Variants in THBS1 observed in about 807,000 individuals in gnomAD.
The protein encoded by THBS1 is thrombospondin-1.
THBS1 carries 29 observed loss-of-function variants against 126.1 expected under a neutral mutation model. The observed-to-expected ratio is 0.23, with a 90% CI of 0.17 to 0.31. THBS1 has a LOEUF of 0.31. Ranked by LOEUF, THBS1 falls within the 10% of genes least tolerant of loss-of-function variation. The pLI is 1.00. For missense variants in THBS1, 1,198 were observed against 1,545.2 expected, an observed-to-expected ratio of 0.78 and a Z score of 3.77; for synonymous variants, 496 against 577.8, an observed-to-expected ratio of 0.86 and a Z score of 2.03.
chr15:39,585,447 C>G, intron 6 of THBS1, 23 bp from the exon 7 acceptor site: 1 of 1,608,356 alleles, frequency 6.2e-7, no homozygotes. Flanking sequence ...AGCCTGTTCC[C>G]CTCTCACTCT....
chr15:39,581,537 C>T (rs1890102946), intron 1 of THBS1, among the ~76,000 whole-genome samples: 1 of 152,084 alleles, frequency 6.6e-6, no homozygotes, highest in Admixed American at 6.5e-5. Context: ...CCTGCAACCC[C>T]AAACTACAGT....
chr15:39,585,795 T>C (rs1273169077), intron 7 of THBS1, among the ~76,000 whole-genome samples: 2 of 151,588 alleles, frequency 1.3e-5, no homozygotes, highest in Admixed American at 6.6e-5. Context: ...GTGAAGATCT[T>C]GGTATAGCTC....
In THBS1 at chr15:39,589,176, G is replaced by A. The variant is rs760270549; in HGVS notation, c.1774-26G>A. Reference sequence around the variant, plus strand: ...CCTTATGGCAGTGACTTCTAAACATGATGCACGCTCTTATTTCCTCCATAG... The same window carrying A: ...CCTTATGGCAGTGACTTCTAAACATAATGCACGCTCTTATTTCCTCCATAG... On this transcript the variant is annotated intron_variant, in intron 11 of 21. Coordinates refer to ENST00000260356, the MANE Select transcript of THBS1 (RefSeq NM_003246.4). The surrounding 1 kb of genome is among the most constrained non-coding windows in gnomAD (Gnocchi z 4.7). 19 of 1,613,700 alleles carry A rather than the reference G, an allele frequency of 1.2e-5. No homozygotes were observed. Among genetic ancestry groups the A allele is most frequent in the Non-Finnish European group, 1.6e-5 (19 of 1,179,806 alleles).
In THBS1 at chr15:39,595,702, C is replaced by A. The variant is rs190657618; in HGVS notation, c.*333C>A. On this transcript the variant is annotated 3_prime_UTR_variant, in exon 22 of 22. Coordinates refer to ENST00000260356, the MANE Select transcript of THBS1 (RefSeq NM_003246.4). ...CACAGAGCAGGGTGCTATTGTGAGG[C>A]CATCTCTGAGCAGTGGACTCAAAAG... The A allele has an allele frequency of 3.8e-6, 2 of 528,074 alleles. No homozygotes were observed. The highest frequency in any genetic ancestry group is 3.1e-5 in the South Asian group (2 of 65,250). 32.7% of individuals were successfully genotyped at this position (528,074 alleles called of 1,614,324 possible).
intron 1 of THBS1, 29 bp from the exon 2 acceptor site, chr15:39,581,800 A>G: frequency 6.7e-7 from 1 of 1,492,240 alleles, no homozygotes; most frequent in Non-Finnish European, 9.3e-7. Context: ...CTGATCTCTG[A>G]CCCTCGGCTC....
At chr15:39,591,157 A>C (rs749832864) in intron 14 of THBS1, 34 bp from the exon 15 acceptor site, 22 of 1,605,118 alleles carry the variant, frequency 1.4e-5, no homozygotes, top group Middle Eastern at 1.7e-4. Flanking sequence ...TTCAAGGACA[A>C]CATTGTTAAG....
chr15:39,581,665 TC>T (rs1881118567), intron 1 of THBS1, 163 bp from the exon 2 acceptor site: 3 of 507,274 alleles, frequency 5.9e-6, no homozygotes, highest in African/African-American at 5.8e-5. Context: ...TCTCTCTCTC[TC>T]TCATGCTCTC....
Position 39,589,039 on chromosome 15 carries a change from C to A in THBS1, c.1726C>A (p.Pro576Thr), listed in dbSNP as rs764196834. Residue 576 changes from proline to threonine, a missense_variant, in exon 11 of 22, where the codon CCC becomes ACC. Physicochemically the swap from Pro to Thr is conservative, Grantham distance 38. Around this residue, in one of 4 missense-constraint regions of THBS1, gnomAD observed 663 missense variants for 860.1 expected, o/e 0.77. Coordinates refer to ENST00000260356, the MANE Select transcript of THBS1 (RefSeq NM_003246.4). The surrounding 1 kb of genome is among the most constrained non-coding windows in gnomAD (Gnocchi z 4.7). ...PDGSWKCGAC[P>T]PGYSGNGIQC... ...TGGCAGCTGGAAATGTGGTGCTTGT[C>A]CCCCTGGTTACAGTGGAAATGGCAT... is the stretch of plus-strand genomic sequence containing the variant. 1.9e-6 allele frequency: 3 copies of A among 1,614,106 alleles called. No homozygotes were observed. The highest frequency in any genetic ancestry group is 2.2e-5 in the South Asian group (2 of 91,074).
At chr15:39,590,782 G>A (rs140363988) in intron 14 of THBS1, 159 bp downstream of exon 14, 1,032 of 632,910 alleles carry the variant, frequency 1.6e-3, no homozygotes, top group Non-Finnish European at 2.4e-3. Flanking sequence ...GTTTAAGGAT[G>A]TAGATGTTGC....
intron 3 of THBS1, among the ~76,000 whole-genome samples, chr15:39,583,359 C>T (rs1458720208): frequency 6.6e-6 from 1 of 152,190 alleles, no homozygotes; most frequent in Non-Finnish European, 1.5e-5. Context: ...GATCAGATTC[C>T]ATTTCCTGTG....
rs1398191964 is a variant in THBS1, at chr15:39,589,501, T to C, written c.1926+147T>C. ...GTACGGTCTAGTTTTAGAAACGTGA[T>C]TAGAAAATCCATGGTAAATCCTGCA... is the stretch of plus-strand genomic sequence containing the variant. On this transcript the variant is annotated intron_variant, in intron 12 of 21. Transcript: ENST00000260356. The surrounding 1 kb of genome is among the most constrained non-coding windows in gnomAD (Gnocchi z 4.7). 8.8e-6 allele frequency: 10 copies of C among 1,141,654 alleles called. 1 individual carries two copies. In the East Asian group the frequency reaches 2.6e-4, roughly 29 times the overall value. The allele number at this position is 1,141,654 out of a possible 1,614,324, so 70.7% of individuals were successfully genotyped here. A position where few individuals can be genotyped will look rare whatever the true frequency, so the allele number is the denominator to read the frequency against.
chr15:39,593,556 C>A lies in THBS1; in HGVS notation c.3155C>A (p.Pro1052His), dbSNP rs1293323402. The A allele has an allele frequency of 6.2e-7, 1 of 1,614,186 alleles. No homozygotes were observed. Among genetic ancestry groups the A allele is most frequent in the Non-Finnish European group, 8.5e-7 (1 of 1,180,032 alleles). ...ACCCAGTCCTACTGGGACACCAACC[C>A]CACGAGGGCTCAGGGATACTCGGGC... The part of the protein sequence containing the change: ...QVTQSYWDTN[P>H]TRAQGYSGLS... The change falls in exon 19 of 22, where the codon CCC becomes CAC. Residue 1052 changes from proline to histidine, a missense_variant. Pro to His is a moderately conservative substitution (Grantham distance 77, BLOSUM62 -2). Coordinates refer to ENST00000260356, the MANE Select transcript of THBS1 (RefSeq NM_003246.4). This position sits in a 1 kb window ranked among gnomAD's most constrained non-coding sequence, Gnocchi z 5.9.
rs1212555615 is a variant in THBS1 at position 39,591,232 on chromosome 15, T to C, written c.2295T>C (p.Tyr765=). 1 of 1,614,212 alleles carries C rather than the reference T, an allele frequency of 6.2e-7. No homozygotes were observed. ...PFHYNPAQYD[Y]DRDDVGDRCD... The stretch of plus-strand genomic sequence containing the variant: ...ATTACAACCCAGCTCAGTATGACTA[T>C]GACAGAGATGATGTGGGAGACCGCT... Residue 765 remains tyrosine (Y), a synonymous_variant, in exon 15 of 22, where the codon TAT becomes TAC. Coordinates refer to ENST00000260356, the MANE Select transcript of THBS1 (RefSeq NM_003246.4).
intron 1 of THBS1, 69 bp from the exon 2 acceptor site, chr15:39,581,760 C>G (rs1595505586): frequency 1.0e-6 from 1 of 997,716 alleles, no homozygotes; most frequent in Non-Finnish European, 1.5e-6. Context: ...TGCCCAGCCC[C>G]GTTTCTGCGC....
In THBS1 at chr15:39,597,952, T is replaced by C. The variant is rs574937582; in HGVS notation, c.*2583T>C. The C allele has an allele frequency of 6.6e-6, 1 of 152,204 alleles. No homozygotes were observed. 9.4% of individuals were successfully genotyped at this position (152,204 alleles called of 1,614,324 possible). A position where few individuals can be genotyped will look rare whatever the true frequency, so the allele number is the denominator to read the frequency against. ...TGAGGGAGGAGCTGTCCTTGCAATG[T>C]TGAGCCAAGCATTACAGATACCTCC... On this transcript the variant is annotated 3_prime_UTR_variant, in exon 22 of 22. Coordinates refer to ENST00000260356, the MANE Select transcript of THBS1 (RefSeq NM_003246.4).
chr15:39,587,039 A>G (rs1890220895), intron 7 of THBS1: 1 of 209,936 alleles, frequency 4.8e-6, no homozygotes, highest in South Asian at 1.2e-4. Flanking sequence ...AGTTAATAAT[A>G]CTGGATTGTA....
intron 15 of THBS1, 69 bp downstream of exon 15, chr15:39,591,419 G>T (rs562804931): frequency 1.9e-6 from 3 of 1,603,122 alleles, no homozygotes; most frequent in African/African-American, 2.7e-5. Flanking sequence ...ACGTACTTCT[G>T]TCTAGTCCTG....
intron 16 of THBS1, 109 bp downstream of exon 16, chr15:39,591,732 C>T (rs928307811): frequency 3.8e-6 from 4 of 1,044,064 alleles, no homozygotes; most frequent in Admixed American, 3.7e-5. Flanking sequence ...ATTACTGTGG[C>T]TCCCTGGCTT....
In THBS1 at chr15:39,582,277, G is replaced by T; in HGVS notation, c.152G>T (p.Gly51Val). Residue 51 changes from glycine to valine, a missense_variant, in exon 3 of 22, where the codon GGC becomes GTC. Physicochemically the swap from Gly to Val is moderately radical, Grantham distance 109 (BLOSUM62 -3). Transcript: ENST00000260356. ...GGGTCTGGGCGCCGACTGGTGAAGG[G>T]CCCCGACCCTTCCAGCCCAGCTTTC... ...RKGSGRRLVK[G>V]PDPSSPAFRI... is the part of the protein sequence containing the mutation. 1 of 1,614,142 alleles carries T rather than the reference G, an allele frequency of 6.2e-7. No homozygotes were observed. The highest frequency in any genetic ancestry group is 8.5e-7 in the Non-Finnish European group (1 of 1,180,010).
Sources: allele counts gnomAD v4.1 joint callset (sites outside exome capture counted in the v4.1 genomes callset), GRCh38; gene constraint gnomAD v4.1.1; regional missense constraint gnomAD v4.1.1; non-coding constraint Gnocchi (gnomAD v3.1); transcripts MANE v1.5; gene names NCBI Gene and HGNC (gene_info 2026-07-23, HGNC 2026-07-21).